The following DNAJC1 variants were observed in gnomAD, a reference collection of about 807,000 sequenced individuals.
DNAJC1 encodes the protein dnaJ homolog subfamily C member 1.
Under a neutral mutation model 76.6 loss-of-function variants are expected in DNAJC1, and 58 were observed. That is an observed-to-expected ratio of 0.76 (90% CI 0.61 to 0.94). The LOEUF (loss-of-function observed/expected upper bound fraction) is 0.94, where lower values mean the gene tolerates loss of function less well. Ranked by LOEUF, DNAJC1 falls within the 40% of genes least tolerant of loss-of-function variation. The pLI is 0.00. For missense variants in DNAJC1, 689 were observed against 677.3 expected, an observed-to-expected ratio of 1.02 and a Z score of -0.19; for synonymous variants, 258 against 267.9, an observed-to-expected ratio of 0.96 and a Z score of 0.36.
At chr10:21,804,084 T>TAG in intron 9 of DNAJC1, 7 of 405,112 alleles carry the variant, frequency 1.7e-5, no homozygotes, top group Non-Finnish European at 2.3e-5. Context: ...AAGTATATAC[T>TAG]AGGATCTATG....
chr10:21,943,094 G>A (rs1837446146), intron 1 of DNAJC1, among the ~76,000 whole-genome samples: 1 of 151,340 alleles, frequency 6.6e-6, no homozygotes, highest in Admixed American at 6.6e-5. Context: ...ATTAATGAAA[G>A]GGAAAATATT....
intron 8 of DNAJC1, among the ~76,000 whole-genome samples, chr10:21,873,622 C>T (rs1836140140): frequency 6.6e-6 from 1 of 152,006 alleles, no homozygotes; most frequent in South Asian, 2.1e-4. Flanking sequence ...AAAGGGAGTC[C>T]TTAGGGATGA....
chr10:21,958,300 AAG>A lies in DNAJC1; in HGVS notation c.223-29161_223-29160del, dbSNP rs764133153. On this transcript the variant is annotated intron_variant, in intron 1 of 11. Transcript: ENST00000376980. ...TATTTAAGTATAATTTACAAACCAT[AAG>A]AGTCACCTGTTTTAAGTGTTTAGTG... is the stretch of plus-strand genomic sequence containing the variant. Among the ~76,000 whole-genome samples, 12 of 152,312 alleles carry A rather than the reference AAG, an allele frequency of 7.9e-5. No individual in the cohort carries two copies. In the East Asian group the frequency reaches 2.3e-3, roughly 29 times the overall value.
chr10:21,954,673 A>G (rs1837651444), intron 1 of DNAJC1, among the ~76,000 whole-genome samples: 1 of 152,224 alleles, frequency 6.6e-6, no homozygotes, highest in Non-Finnish European at 1.5e-5. Context: ...ATAATTGGTT[A>G]GATTTTAGTT....
At chr10:21,904,785 G>A (rs1214605104) in intron 6 of DNAJC1, among the ~76,000 whole-genome samples, 173 bp from the exon 7 acceptor site, 2 of 151,964 alleles carry the variant, frequency 1.3e-5, no homozygotes. Flanking sequence ...TTTCTCTCCT[G>A]GAGAGCCAGT....
At chr10:22,001,344 T>C (rs1838515753) in intron 1 of DNAJC1, among the ~76,000 whole-genome samples, 1 of 152,216 alleles carries the variant, frequency 6.6e-6, no homozygotes, top group African/African-American at 2.4e-5. Context: ...CTAACAAAGT[T>C]AAGATTCAAT....
chr10:21,976,884 C>T (rs186296270), intron 1 of DNAJC1, among the ~76,000 whole-genome samples: 3 of 152,188 alleles, frequency 2.0e-5, no homozygotes, highest in Admixed American at 6.5e-5. Context: ...TCTTGAATGC[C>T]GCCGGCCCAC....
At chr10:21,763,029 C>A (rs1834259246) in intron 10 of DNAJC1, among the ~76,000 whole-genome samples, 1 of 152,138 alleles carries the variant, frequency 6.6e-6, no homozygotes, top group Admixed American at 6.5e-5. Flanking sequence ...CTCCCGGGTT[C>A]AAGTGATTCT....
intron 9 of DNAJC1, among the ~76,000 whole-genome samples, 187 bp downstream of exon 9, chr10:21,805,793 A>T (rs975880897): frequency 1.4e-4 from 21 of 152,288 alleles, no homozygotes; most frequent in African/African-American, 5.1e-4. Context: ...ACAGCTGTTA[A>T]CTGTGGACCA....
intron 8 of DNAJC1, among the ~76,000 whole-genome samples, chr10:21,875,500 CA>C (rs1176126249): frequency 5.3e-5 from 8 of 152,220 alleles, no homozygotes; most frequent in South Asian, 2.1e-4. Flanking sequence ...AGATTTTCAG[CA>C]ATGAAAGCTT....
At chr10:21,959,955 G>A (rs962233393) in intron 1 of DNAJC1, among the ~76,000 whole-genome samples, 1 of 151,976 alleles carries the variant, frequency 6.6e-6, no homozygotes, top group African/African-American at 2.4e-5. Flanking sequence ...AATAAGTCTT[G>A]TTGGGTCTAC....
chr10:21,955,073 T>C (rs1367815554), intron 1 of DNAJC1, among the ~76,000 whole-genome samples: 1 of 152,094 alleles, frequency 6.6e-6, no homozygotes, highest in Admixed American at 6.6e-5. Context: ...CATTACCCAC[T>C]CCCAGCCCCC....
At chr10:21,833,432 T>A (rs139949549) in intron 8 of DNAJC1, among the ~76,000 whole-genome samples, 10 of 152,040 alleles carry the variant, frequency 6.6e-5, no homozygotes, top group Non-Finnish European at 1.3e-4. Context: ...GATGGTGCCA[T>A]TGCACTCCAG....
chr10:21,820,171 C>T (rs994513074), intron 8 of DNAJC1, among the ~76,000 whole-genome samples: 2 of 152,102 alleles, frequency 1.3e-5, no homozygotes, highest in Non-Finnish European at 2.9e-5. Flanking sequence ...CTGGGCATTT[C>T]ATAAAAATGG....
chr10:21,830,228 A>G (rs571285182), intron 8 of DNAJC1, among the ~76,000 whole-genome samples: 13 of 152,044 alleles, frequency 8.6e-5, no homozygotes, highest in Non-Finnish European at 1.8e-4. Flanking sequence ...CTTTTTTTCT[A>G]CATTCAATTT....
chr10:21,839,865 A>G (rs1374843768), intron 8 of DNAJC1, among the ~76,000 whole-genome samples: 1 of 152,234 alleles, frequency 6.6e-6, no homozygotes, highest in Non-Finnish European at 1.5e-5. Context: ...ACATACTGGC[A>G]AACCAAATCC....
intron 1 of DNAJC1, among the ~76,000 whole-genome samples, chr10:21,941,293 CAGAT>C (rs1385137574): frequency 1.8e-4 from 14 of 78,092 alleles, no homozygotes; most frequent in East Asian, 4.7e-4. Flanking sequence ...AAAAAAAAAA[CAGAT>C]AGAACAACCA....
At chr10:21,887,609 C>A (rs542025941) in intron 7 of DNAJC1, among the ~76,000 whole-genome samples, 200 of 152,184 alleles carry the variant, frequency 1.3e-3, no homozygotes, top group African/African-American at 4.6e-3. Flanking sequence ...TGACTTTTGA[C>A]AAAGCTGATA....
At chr10:21,826,658 C>A (rs946871392) in intron 8 of DNAJC1, among the ~76,000 whole-genome samples, 1 of 151,988 alleles carries the variant, frequency 6.6e-6, no homozygotes, top group Non-Finnish European at 1.5e-5. Flanking sequence ...TATCTTTGAC[C>A]CATTTTTGTA....
Sources: allele counts gnomAD v4.1 joint callset (sites outside exome capture counted in the v4.1 genomes callset), GRCh38; gene constraint gnomAD v4.1.1; transcripts MANE v1.5; gene names NCBI Gene and HGNC (gene_info 2026-07-23, HGNC 2026-07-21).